Variants in GLDC observed in about 807,000 individuals in gnomAD.
The protein encoded by GLDC is glycine decarboxylase.
A neutral mutation model predicts 121.3 loss-of-function variants in GLDC; 104 were observed. That is an observed-to-expected ratio of 0.86 (90% CI 0.73 to 1.01). The LOEUF (loss-of-function observed/expected upper bound fraction) is 1.01, where lower values mean the gene tolerates loss of function less well. Among genes scored for constraint, GLDC ranks in the 50% least tolerant of loss-of-function variants. The probability of loss-of-function intolerance (pLI) is 0.00; values close to 1 mark genes in which losing one functional copy is unlikely to be tolerated. For missense variants in GLDC, 1,429 were observed against 1,306.6 expected, an observed-to-expected ratio of 1.09 and a Z score of -1.44; for synonymous variants, 546 against 480.6, an observed-to-expected ratio of 1.14 and a Z score of -1.78.
chr9:6,620,351 C>G (rs766028724), intron 2 of GLDC, 32 bp from the exon 3 acceptor site: 1 of 1,593,550 alleles, frequency 6.3e-7, no homozygotes, highest in South Asian at 1.1e-5. Flanking sequence ...ATGTTACAGA[C>G]AGATGTCTCA....
At chr9:6,557,725 A>C (rs1275581252) in intron 17 of GLDC, 2 of 152,224 alleles carry the variant, frequency 1.3e-5, no homozygotes, top group Non-Finnish European at 2.9e-5. Context: ...CATATATAAA[A>C]GTCACATCCC....
chr9:6,593,352 G>A (rs117366067), intron 9 of GLDC, among the ~76,000 whole-genome samples: 1,932 of 151,344 alleles, frequency 0.013, 18 homozygotes, highest in Middle Eastern at 0.041. Flanking sequence ...GAATGCAGTG[G>A]CATGATCATA....
At chr9:6,622,894 G>A (rs543245600) in intron 2 of GLDC, 5,984 of 199,630 alleles carry the variant, frequency 0.03, 417 homozygotes, top group African/African-American at 0.14. Context: ...CTGCCCCGCC[G>A]CCCGGTCTGG....
At chr9:6,556,662 A>G (rs1286664615) in intron 17 of GLDC, among the ~76,000 whole-genome samples, 1 of 152,050 alleles carries the variant, frequency 6.6e-6, no homozygotes, top group African/African-American at 2.4e-5. Flanking sequence ...GCATGGTGGC[A>G]GGTGCCTGTA....
intron 21 of GLDC, 62 bp downstream of exon 21, chr9:6,550,741 G>C (rs1817495075): frequency 5.9e-6 from 6 of 1,014,372 alleles, no homozygotes; most frequent in Admixed American, 1.7e-5. Flanking sequence ...AGCGCATCTA[G>C]GTCAAACTTA....
At chr9:6,568,198 C>T (rs996633979) in intron 15 of GLDC, among the ~76,000 whole-genome samples, 2 of 152,194 alleles carry the variant, frequency 1.3e-5, no homozygotes, top group South Asian at 4.2e-4. Flanking sequence ...ATTTCTCTCT[C>T]TCTCTCTCTC....
rs1563857096 is a variant in GLDC, at chr9:6,605,273, G to T, written c.719C>A (p.Thr240Asn). 2 of 1,613,794 alleles carry T rather than the reference G, an allele frequency of 1.2e-6. No homozygotes were observed. The highest frequency in any genetic ancestry group is 1.7e-6 in the Non-Finnish European group (2 of 1,179,646). Residue 240 changes from threonine to asparagine, a missense_variant, in exon 6 of 25, where the codon ACT (threonine) becomes AAT (asparagine). Thr to Asn is a moderately conservative substitution (Grantham distance 65). Transcript: ENST00000321612. ...IAVVQTRAKY[T>N]GVLTELKLPC... ...TAACTTCAGCTCAGTGAGGACTCCA[G>T]TATATCTGGAAAGACAGACAACAAA...
intron 21 of GLDC, among the ~76,000 whole-genome samples, chr9:6,549,619 G>C (rs1817467782): frequency 6.6e-6 from 1 of 152,058 alleles, no homozygotes; most frequent in Non-Finnish European, 1.5e-5. Context: ...CCAAGACTCA[G>C]CTATTAGGTC....
intron 2 of GLDC, among the ~76,000 whole-genome samples, chr9:6,642,670 AG>A (rs1819652567): frequency 6.6e-6 from 1 of 152,238 alleles, no homozygotes; most frequent in South Asian, 2.1e-4. Flanking sequence ...AAACTAAAAA[AG>A]GATACACAAC....
chr9:6,628,391 C>G (rs1351316049), intron 2 of GLDC, among the ~76,000 whole-genome samples: 1 of 152,196 alleles, frequency 6.6e-6, no homozygotes, highest in East Asian at 1.9e-4. Context: ...TTCAACTGGA[C>G]AAAACCAGCT....
At chr9:6,545,868 T>G (rs1025615180) in intron 21 of GLDC, among the ~76,000 whole-genome samples, 1 of 152,176 alleles carries the variant, frequency 6.6e-6, no homozygotes, top group African/African-American at 2.4e-5. Context: ...CTCGAACTCC[T>G]GAGTTCAAGT....
At position 6,604,781 on chromosome 9, in the gene GLDC, G is replaced by T; in HGVS notation, c.865C>A (p.Leu289Met). Residue 289 changes from leucine (L) to methionine (M), a missense_variant, in exon 7 of 25, where the codon CTG becomes ATG. Transcript: ENST00000321612. ...AAAAGGTCAGTAGCACAGCAGGCCA[G>T]GCTCTAGAAAGGAAGTGAGAGAAAA... ...LVERAHQSGS[L>M]ACCATDLLAL... 1 of 1,613,454 alleles carries T rather than the reference G, an allele frequency of 6.2e-7. No homozygotes were observed.
At chr9:6,596,337 A>C (rs1212764667) in intron 8 of GLDC, among the ~76,000 whole-genome samples, 1 of 152,232 alleles carries the variant, frequency 6.6e-6, no homozygotes, top group Non-Finnish European at 1.5e-5. Context: ...GAGAAGTATA[A>C]AACCACTTTT....
intron 11 of GLDC, among the ~76,000 whole-genome samples, 188 bp from the exon 12 acceptor site, chr9:6,589,480 G>C (rs981628097): frequency 1.3e-5 from 2 of 151,964 alleles, no homozygotes; most frequent in East Asian, 3.9e-4. Context: ...ACCCAGGCTA[G>C]AGTGCAGTGG....
chr9:6,606,468 T>C (rs1322456068), intron 5 of GLDC, 124 bp downstream of exon 5: 5 of 758,902 alleles, frequency 6.6e-6, no homozygotes, highest in South Asian at 4.3e-5. Flanking sequence ...GCAACCCCAA[T>C]TTAAACAGCA....
chr9:6,629,958 T>TATATATATATATGTATACATATATATATA, intron 2 of GLDC, among the ~76,000 whole-genome samples: 2 of 78,680 alleles, frequency 2.5e-5, no homozygotes, highest in African/African-American at 1.2e-4. Flanking sequence ...TATATATATA[T>TATATATATATATGTATACATATATATATA]TTTTTTTTTT....
intron 2 of GLDC, among the ~76,000 whole-genome samples, chr9:6,622,151 C>CACACACAG (rs927594592): frequency 9.3e-6 from 1 of 107,032 alleles, no homozygotes; most frequent in African/African-American, 4.7e-5. Context: ...CTCCACCACA[C>CACACACAG]ACACACAGAC....
chr9:6,572,148 C>T (rs1430113450), intron 15 of GLDC, among the ~76,000 whole-genome samples: 1 of 151,994 alleles, frequency 6.6e-6, no homozygotes, highest in East Asian at 1.9e-4. Context: ...AAACCCAAAG[C>T]ACAATTCATA....
At chr9:6,558,204 T>G (rs1817676517) in intron 17 of GLDC, 1 of 523,292 alleles carries the variant, frequency 1.9e-6, no homozygotes, top group Non-Finnish European at 3.4e-6. Context: ...AGCTGACATT[T>G]GTGTTACAAT....
Sources: allele counts gnomAD v4.1 joint callset (sites outside exome capture counted in the v4.1 genomes callset), GRCh38; gene constraint gnomAD v4.1.1; transcripts MANE v1.5; gene names NCBI Gene and HGNC (gene_info 2026-07-23, HGNC 2026-07-21).